The following FXN variants were observed in gnomAD, a reference collection of about 807,000 sequenced individuals.
FXN encodes the protein frataxin, mitochondrial.
In FXN, 14 loss-of-function variants were observed where a neutral mutation model predicts 22.4. The observed-to-expected ratio is 0.62, with a 90% CI of 0.41 to 0.98. The LOEUF is 0.98. Ranked by LOEUF, FXN falls within the 50% of genes least tolerant of loss-of-function variation. The probability of loss-of-function intolerance (pLI) is 0.00; values close to 1 mark genes in which losing one functional copy is unlikely to be tolerated. For missense variants in FXN, 267 were observed against 268.4 expected (o/e 0.99, Z 0.04); for synonymous variants, 120 against 114.1 (o/e 1.05, Z -0.33).
At chr9:69,057,889 A>G (rs1039297842) in intron 3 of FXN, among the ~76,000 whole-genome samples, 2 of 152,078 alleles carry the variant, frequency 1.3e-5, no homozygotes, top group Non-Finnish European at 2.9e-5. Context: ...GTCAGCTACC[A>G]CCTATAACAC....
chr9:69,065,195 G>A (rs919773680), intron 4 of FXN, 160 bp downstream of exon 4: 1 of 684,200 alleles, frequency 1.5e-6, no homozygotes, highest in African/African-American at 1.8e-5. Flanking sequence ...GAGGACAGGA[G>A]TTCAGAACCA....
chr9:69,067,740 C>T (rs1341361016), intron 4 of FXN, among the ~76,000 whole-genome samples: 5 of 152,218 alleles, frequency 3.3e-5, no homozygotes, highest in Non-Finnish European at 5.9e-5. Flanking sequence ...ATAGCCAGAT[C>T]TGCAGGTCTC....
At chr9:69,040,676 A>T (rs1018881391) in intron 1 of FXN, among the ~76,000 whole-genome samples, 16 of 151,932 alleles carry the variant, frequency 1.1e-4, no homozygotes, top group African/African-American at 3.6e-4. Context: ...TCAAAGAAAA[A>T]AATAAATAAA....
At position 69,048,465 on chromosome 9, in the gene FXN, C is replaced by T. The variant is rs150103002; in HGVS notation, c.263+1983C>T. On this transcript the variant is annotated intron_variant, in intron 2 of 4. Coordinates refer to ENST00000484259, the MANE Select transcript of FXN (RefSeq NM_000144.5). The stretch of plus-strand genomic sequence containing the variant: ...CTAAAAATACAAAAAGTTAGCCAGG[C>T]GTGGTGGCAGGCACCTGTAATCCCA... Among the ~76,000 whole-genome samples, 585 of 152,124 alleles carry T rather than the reference C, an allele frequency of 3.8e-3. 2 individuals carry two copies. The highest frequency in any genetic ancestry group is 0.013 in the African/African-American group (540 of 41,506).
chr9:69,074,932 G>C lies in FXN; in HGVS notation c.*2170G>C, dbSNP rs1832339657. 3.0e-6 allele frequency: 3 copies of C among 985,400 alleles called. No individual in the cohort carries two copies. The South Asian group carries it at 1.4e-4, about 46-fold the overall frequency. The allele number at this position is 985,400 out of a possible 1,614,324, so 61.0% of individuals were successfully genotyped here. Reference sequence around the variant, plus strand: ...CATCTTGCTTCTACTGAAAGTTTCAGTGCACCCCACTTACTTAGAACTCGG... The same window carrying C: ...CATCTTGCTTCTACTGAAAGTTTCACTGCACCCCACTTACTTAGAACTCGG... On this transcript the variant is annotated 3_prime_UTR_variant, in exon 5 of 5. Transcript: ENST00000484259.
In FXN at chr9:69,035,796, G is replaced by A; in HGVS notation, c.14G>A (p.Gly5Glu). 1 of 1,510,934 alleles carries A rather than the reference G, an allele frequency of 6.6e-7. No homozygotes were observed. Among genetic ancestry groups the A allele is most frequent in the South Asian group, 1.2e-5 (1 of 81,300 alleles). 93.6% of individuals were successfully genotyped at this position (1,510,934 alleles called of 1,614,324 possible). A position where few individuals can be genotyped will look rare whatever the true frequency, so the allele number is the denominator to read the frequency against. Residue 5 changes from glycine (G) to glutamate (E), a missense_variant, in exon 1 of 5, where the codon GGG (glycine) becomes GAG (glutamate). Coordinates refer to ENST00000484259, the MANE Select transcript of FXN (RefSeq NM_000144.5). The part of the protein sequence containing the change: MWTL[G>E]RRAVAGLLAS... ...ACCCGGAGCAGCATGTGGACTCTCGGGCGCCGCGCAGTAGCCGGCCTCCTG... is the reference window on the plus strand; with the variant it reads ...ACCCGGAGCAGCATGTGGACTCTCGAGCGCCGCGCAGTAGCCGGCCTCCTG...
In FXN at chr9:69,073,465, A is replaced by C. The variant is rs533947511; in HGVS notation, c.*703A>C. The C allele has an allele frequency of 4.9e-5, 48 of 985,472 alleles. No homozygotes were observed. The highest frequency in any genetic ancestry group is 1.0e-3 in the Middle Eastern group (2 of 1,914). The allele number at this position is 985,472 out of a possible 1,614,324, so 61.0% of individuals were successfully genotyped here. On this transcript the variant is annotated 3_prime_UTR_variant, in exon 5 of 5. Transcript: ENST00000484259. ...GAATCAGCTGCTACAAGAATGCAAA[A>C]AATCTTCCAAAGACAAGAAAAGAGG... is the stretch of plus-strand genomic sequence containing the variant.
chr9:69,041,580 G>T (rs1831657029), intron 1 of FXN, among the ~76,000 whole-genome samples: 1 of 152,184 alleles, frequency 6.6e-6, no homozygotes, highest in Admixed American at 6.5e-5. Flanking sequence ...AAAAGTGGTG[G>T]TGCCAGTTCA....
intron 4 of FXN, among the ~76,000 whole-genome samples, chr9:69,068,562 C>A (rs1383244476): frequency 6.6e-6 from 1 of 152,214 alleles, no homozygotes; most frequent in Non-Finnish European, 1.5e-5. Flanking sequence ...TGCTGCTGGC[C>A]CTCCTGTGGG....
rs1376725094 is a variant in FXN at position 69,074,746 on chromosome 9, A to AG, written c.*1984_*1985insG. On this transcript the variant is annotated 3_prime_UTR_variant, in exon 5 of 5. Coordinates refer to ENST00000484259, the MANE Select transcript of FXN (RefSeq NM_000144.5). ...AAGATCCTATCTCTTAAAAAAAGAA[A>AG]AAAAAACCTATTAATAATAAAACAG... 160 of 898,376 alleles carry AG rather than the reference A, an allele frequency of 1.8e-4. No individual in the cohort carries two copies. Among genetic ancestry groups the AG allele is most frequent in the Admixed American group, 3.7e-4 (6 of 16,126 alleles). 55.7% of individuals were successfully genotyped at this position (898,376 alleles called of 1,614,324 possible). A position where few individuals can be genotyped will look rare whatever the true frequency, so the allele number is the denominator to read the frequency against.
In FXN at chr9:69,073,478, A is replaced by G; in HGVS notation, c.*716A>G. The G allele has an allele frequency of 1.0e-6, 1 of 985,468 alleles. No homozygotes were observed. The highest frequency in any genetic ancestry group is 1.7e-5 in the African/African-American group (1 of 57,336). 61.0% of individuals were successfully genotyped at this position (985,468 alleles called of 1,614,324 possible). A position where few individuals can be genotyped will look rare whatever the true frequency, so the allele number is the denominator to read the frequency against. On this transcript the variant is annotated 3_prime_UTR_variant, in exon 5 of 5. Transcript: ENST00000484259. ...CAAGAATGCAAAAAATCTTCCAAAG[A>G]CAAGAAAAGAGGAAAAAAAGCCGTT...
chr9:69,063,865 G>A (rs950878922), intron 3 of FXN, among the ~76,000 whole-genome samples: 1 of 152,070 alleles, frequency 6.6e-6, no homozygotes, highest in African/African-American at 2.4e-5. Flanking sequence ...TGCATTTTTA[G>A]TAGAGACAGG....
chr9:69,073,666 A>G lies in FXN; in HGVS notation c.*904A>G. On this transcript the variant is annotated 3_prime_UTR_variant, in exon 5 of 5. Coordinates refer to ENST00000484259, the MANE Select transcript of FXN (RefSeq NM_000144.5). ...CAAAGTAGTTGTCCCTTTGTGGACA[A>G]GTTTCCCAAATTCCCTGGACCTCTG... The G allele has an allele frequency of 1.0e-6, 1 of 985,380 alleles. No individual in the cohort carries two copies. Among genetic ancestry groups the G allele is most frequent in the South Asian group, 4.7e-5 (1 of 21,284 alleles). 61.0% of individuals were successfully genotyped at this position (985,380 alleles called of 1,614,324 possible).
chr9:69,054,173 G>C lies in FXN; in HGVS notation c.384+913G>C, dbSNP rs183862118. Among the ~76,000 whole-genome samples, 254 of 152,134 alleles carry C rather than the reference G, an allele frequency of 1.7e-3. 1 individual carries two copies. Among genetic ancestry groups the C allele is most frequent in the African/African-American group, 6.0e-3 (248 of 41,506 alleles). ...CTGCCACCATGCCCAGCTAATTTTT[G>C]CATTTTAGTAAAGACGGGGTTTCAC... On this transcript the variant is annotated intron_variant, in intron 3 of 4. Transcript: ENST00000484259.
Position 69,076,271 on chromosome 9 carries a change from C to T in FXN, c.*3509C>T. 4 of 983,602 alleles carry T rather than the reference C, an allele frequency of 4.1e-6. No homozygotes were observed. Among genetic ancestry groups the T allele is most frequent in the Non-Finnish European group, 4.8e-6 (4 of 829,350 alleles). The allele number at this position is 983,602 out of a possible 1,614,324, so 60.9% of individuals were successfully genotyped here. On this transcript the variant is annotated 3_prime_UTR_variant, in exon 5 of 5. Coordinates refer to ENST00000484259, the MANE Select transcript of FXN (RefSeq NM_000144.5). ...AGATATCTAACATGTTGAGCCTGGG[C>T]CCACAGGCAAAGCACAATCCTGATG...
At chr9:69,046,609 C>T in intron 2 of FXN, 127 bp downstream of exon 2, 7 of 713,744 alleles carry the variant, frequency 9.8e-6, no homozygotes, top group South Asian at 9.1e-5. Context: ...TGAGTATCCA[C>T]CACATTATTT....
Position 69,072,607 on chromosome 9 carries a change from TC to T in FXN, c.483-3del. Reference sequence around the variant, plus strand: ...GAATTACTATGCATTTGTTTTGTCTTCCAGTGGACCTAAGCGTTATGACTGG... The same window carrying T: ...GAATTACTATGCATTTGTTTTGTCTTCAGTGGACCTAAGCGTTATGACTGG... On this transcript the variant is annotated splice_region_variant and splice_polypyrimidine_tract_variant and intron_variant, in intron 4 of 4. Coordinates refer to ENST00000484259, the MANE Select transcript of FXN (RefSeq NM_000144.5). 6.2e-7 allele frequency: 1 copy of T among 1,614,118 alleles called. No homozygotes were observed. Among genetic ancestry groups the T allele is most frequent in the Non-Finnish European group, 8.5e-7 (1 of 1,180,026 alleles).
chr9:69,067,288 C>A (rs1282437373), intron 4 of FXN, among the ~76,000 whole-genome samples: 1 of 152,262 alleles, frequency 6.6e-6, no homozygotes, highest in Admixed American at 6.5e-5. Context: ...CCAGGCCGTT[C>A]TGCGCCTGTC....
At chr9:69,071,368 G>T (rs1340751266) in intron 4 of FXN, 6 of 499,396 alleles carry the variant, frequency 1.2e-5, no homozygotes, top group East Asian at 1.1e-4. Flanking sequence ...TCCCTTCCTG[G>T]TGACCTCATC....
Sources: gnomAD v4.1 joint callset for allele counts (sites outside exome capture counted in the v4.1 genomes callset) on GRCh38, gnomAD v4.1.1 for gene constraint, MANE v1.5 for transcripts, NCBI Gene and HGNC (gene_info 2026-07-23, HGNC 2026-07-21) for gene names.